SLC24A2: variants seen among roughly 807,000 people sequenced by gnomAD.
The protein encoded by SLC24A2 is sodium/potassium/calcium exchanger 2.
SLC24A2 carries 36 observed loss-of-function variants against 62.0 expected under a neutral mutation model. The ratio of observed to expected loss-of-function variants is 0.58; its 90% CI spans 0.44 to 0.77. SLC24A2 has a LOEUF of 0.77. SLC24A2 is among the 30% of genes least tolerant of loss of function. The pLI, the probability that SLC24A2 is intolerant of heterozygous loss-of-function variation, is 0.00. For missense variants in SLC24A2, 846 were observed against 817.9 expected, an observed-to-expected ratio of 1.03 and a Z score of -0.42; for synonymous variants, 358 against 294.0, an observed-to-expected ratio of 1.22 and a Z score of -2.23.
the SLC24A2 span, among the ~76,000 whole-genome samples, chr9:20,123,540 A>C: frequency 0.19 from 28,962 of 152,186 alleles, 3,331 homozygotes; most frequent in East Asian, 0.58. Context: ...TTCAAATCTT[A>C]TATTTGTACT....
the SLC24A2 span, among the ~76,000 whole-genome samples, chr9:20,155,980 T>G: frequency 6.6e-6 from 1 of 151,754 alleles, no homozygotes; most frequent in Non-Finnish European, 1.5e-5. Flanking sequence ...TTATAATAAT[T>G]TATTTATAAT....
At position 19,633,528 on chromosome 9, in the gene SLC24A2, G is replaced by C. The variant is rs1818230016; in HGVS notation, c.931-11229C>G. 2.0e-5 allele frequency among the ~76,000 whole-genome samples: 3 copies of C among 152,088 alleles called. No individual in the cohort carries two copies. The South Asian group carries it at 6.2e-4, about 32-fold the overall frequency. On this transcript the variant is annotated intron_variant, in intron 2 of 10. Coordinates refer to ENST00000341998, the MANE Select transcript of SLC24A2 (RefSeq NM_020344.4). ...GATATCTCATTGTGGTATCATAGTT[G>C]TTTATTTTCATTTTTATTTTTGTAA...
chr9:19,981,499 G>T, the SLC24A2 span, among the ~76,000 whole-genome samples: 43,659 of 151,890 alleles, frequency 0.29, 6,539 homozygotes, highest in East Asian at 0.42. Flanking sequence ...ATTTTTGGTA[G>T]TTTTTTTTAA....
the SLC24A2 span, among the ~76,000 whole-genome samples, chr9:19,845,944 C>G: frequency 6.6e-6 from 1 of 151,746 alleles, no homozygotes; most frequent in South Asian, 2.1e-4. Flanking sequence ...CCACTGTGGC[C>G]TGAGAATATG....
At chr9:19,835,440 A>C in the SLC24A2 span, among the ~76,000 whole-genome samples, 243 of 152,312 alleles carry the variant, frequency 1.6e-3, 3 homozygotes, top group African/African-American at 5.1e-3. Flanking sequence ...TCTTGGATAA[A>C]ACAGACTTTA....
the SLC24A2 span, among the ~76,000 whole-genome samples, chr9:19,794,481 T>G: frequency 6.6e-6 from 1 of 151,918 alleles, no homozygotes; most frequent in Non-Finnish European, 1.5e-5. Context: ...GGGTGAGGAT[T>G]GCTGATTACC....
chr9:19,548,494 A>G (rs909892770), intron 8 of SLC24A2, among the ~76,000 whole-genome samples: 16 of 152,180 alleles, frequency 1.1e-4, no homozygotes, highest in African/African-American at 3.9e-4. Context: ...ACTGTGGACC[A>G]ATAACTCAAG....
intron 2 of SLC24A2, among the ~76,000 whole-genome samples, chr9:19,651,050 A>G (rs1302376322): frequency 6.6e-6 from 1 of 152,140 alleles, no homozygotes; most frequent in African/African-American, 2.4e-5. Flanking sequence ...TGAAAACTGG[A>G]AAATTAGTAC....
At chr9:20,188,971 T>C in the SLC24A2 span, among the ~76,000 whole-genome samples, 4 of 152,208 alleles carry the variant, frequency 2.6e-5, no homozygotes, top group Non-Finnish European at 5.9e-5. Context: ...TTCATATTAA[T>C]GTGAGTTCCT....
chr9:20,135,766 G>A, the SLC24A2 span, among the ~76,000 whole-genome samples: 1 of 151,856 alleles, frequency 6.6e-6, no homozygotes, highest in Non-Finnish European at 1.5e-5. Flanking sequence ...GCATTTCTGT[G>A]GCTGAAACTT....
At chr9:20,097,782 A>T in the SLC24A2 span, among the ~76,000 whole-genome samples, 9 of 109,776 alleles carry the variant, frequency 8.2e-5, no homozygotes, top group Admixed American at 4.3e-4. Flanking sequence ...TTGCTCTGTC[A>T]CCCAGGCTGG....
intron 2 of SLC24A2, among the ~76,000 whole-genome samples, chr9:19,676,857 T>A (rs927192340): frequency 6.6e-6 from 1 of 152,152 alleles, no homozygotes; most frequent in African/African-American, 2.4e-5. Context: ...TTTTTAACAA[T>A]AAAAAAGTTT....
At chr9:19,886,725 T>G in the SLC24A2 span, among the ~76,000 whole-genome samples, 1 of 152,324 alleles carries the variant, frequency 6.6e-6, no homozygotes. Flanking sequence ...GGAATATAAA[T>G]CATTCTATTA....
At chr9:19,650,822 A>AGTGTGTGTGTGTGTGTGTGTGT (rs61576823) in intron 2 of SLC24A2, among the ~76,000 whole-genome samples, 289 of 149,168 alleles carry the variant, frequency 1.9e-3, no homozygotes, top group African/African-American at 6.8e-3. Context: ...ATCAGCTTCT[A>AGTGTGTGTGTGTGTGTGTGTGT]GTGTGTGTGT....
chr9:20,014,401 A>C, the SLC24A2 span, among the ~76,000 whole-genome samples: 1 of 151,688 alleles, frequency 6.6e-6, no homozygotes, highest in African/African-American at 2.4e-5. Context: ...AAATGAGATC[A>C]GTATGTTGAA....
intron 4 of SLC24A2, among the ~76,000 whole-genome samples, chr9:19,602,945 A>G (rs1402554945): frequency 6.6e-6 from 1 of 152,226 alleles, no homozygotes; most frequent in African/African-American, 2.4e-5. Flanking sequence ...CCATGCATCA[A>G]TTCAGAGTTC....
At chr9:19,986,169 C>T in the SLC24A2 span, among the ~76,000 whole-genome samples, 5 of 151,900 alleles carry the variant, frequency 3.3e-5, no homozygotes, top group Non-Finnish European at 7.4e-5. Flanking sequence ...GACCAATAAG[C>T]GCATGAAAAG....
the SLC24A2 span, among the ~76,000 whole-genome samples, chr9:19,799,235 TTTTTA>T: frequency 6.6e-5 from 10 of 152,330 alleles, no homozygotes; most frequent in South Asian, 2.1e-4. Flanking sequence ...CTCTTAGCTT[TTTTTA>T]TTTTATCTAC....
At chr9:19,570,025 C>G (rs900167492) in intron 7 of SLC24A2, among the ~76,000 whole-genome samples, 2 of 152,202 alleles carry the variant, frequency 1.3e-5, no homozygotes, top group Non-Finnish European at 2.9e-5. Flanking sequence ...TGTTCATGGC[C>G]TTTGGGGCCA....
Sources: gnomAD v4.1 joint callset for allele counts (sites outside exome capture counted in the v4.1 genomes callset) on GRCh38, gnomAD v4.1.1 for gene constraint, MANE v1.5 for transcripts, NCBI Gene and HGNC (gene_info 2026-07-23, HGNC 2026-07-21) for gene names.